Variants in RNF19A observed in about 807,000 individuals in gnomAD.
The protein encoded by RNF19A is E3 ubiquitin-protein ligase RNF19A.
Under a neutral mutation model 75.7 loss-of-function variants are expected in RNF19A, and 32 were observed. The ratio of observed to expected loss-of-function variants is 0.42; its 90% confidence interval spans 0.32 to 0.57. The LOEUF (loss-of-function observed/expected upper bound fraction) is 0.57. RNF19A is among the 20% of genes least tolerant of loss of function. The pLI is 0.10. For missense variants in RNF19A, 782 were observed against 1,036.3 expected (o/e 0.75, Z 3.37); for synonymous variants, 335 against 345.2 (o/e 0.97, Z 0.33).
chr8:100,320,509 C>T (rs932396228), intron 1 of RNF19A, among the ~76,000 whole-genome samples: 2 of 152,160 alleles, frequency 1.3e-5, no homozygotes, highest in South Asian at 2.1e-4. Flanking sequence ...TATCCCCATA[C>T]TGATTATACT....
intron 1 of RNF19A, among the ~76,000 whole-genome samples, chr8:100,292,130 A>C (rs973120470): frequency 3.9e-5 from 6 of 152,192 alleles, no homozygotes; most frequent in African/African-American, 1.4e-4. Context: ...ACTATGTTAA[A>C]TGCTGTATTC....
rs146432983 is a variant in RNF19A, at chr8:100,308,172, C to T, written c.-94+1695G>A. Among the ~76,000 whole-genome samples, 533 of 152,254 alleles carry T rather than the reference C, an allele frequency of 3.5e-3. 4 individuals carry two copies. The highest frequency in any genetic ancestry group is 0.012 in the African/African-American group (511 of 41,562). On this transcript the variant is annotated intron_variant, in intron 1 of 9. Coordinates refer to ENST00000341084, the MANE Select transcript of RNF19A (RefSeq NM_183419.4). ...TAAGATAGTGAAAAAAATACACTAA[C>T]ATTAGTTGCCAACTGTAATTTTTTC...
chr8:100,293,971 T>C (rs975932507), intron 1 of RNF19A, among the ~76,000 whole-genome samples: 1 of 152,218 alleles, frequency 6.6e-6, no homozygotes, highest in African/African-American at 2.4e-5. Flanking sequence ...TCCATTTCTC[T>C]GATGAGACTA....
At chr8:100,310,878 CAT>C (rs1297115616), upstream of RNF19A, among the ~76,000 whole-genome samples, 1 of 150,710 alleles carries the variant, frequency 6.6e-6, no homozygotes, top group Non-Finnish European at 1.5e-5. Context: ...TTCAGCCAGT[CAT>C]ATCCCCTTTG....
In RNF19A at chr8:100,324,361, A is replaced by G; in HGVS notation, c.-242-10989T>C. Among the ~76,000 whole-genome samples the G allele has an allele frequency of 6.6e-6, 1 of 152,258 alleles. No homozygotes were observed. Among genetic ancestry groups the G allele is most frequent in the East Asian group, 1.9e-4 (1 of 5,204 alleles). ...TCAAGAGTTTGGATGACTAAAGTTG[A>G]TGATTAATCACAAAGAAGTATTTCT... is the stretch of plus-strand genomic sequence containing the variant. On this transcript the variant is annotated intron_variant, in intron 1 of 3. Transcript: ENST00000519527. The surrounding 1 kb of genome is among the most constrained non-coding windows in gnomAD (Gnocchi z 4.2).
Position 100,258,913 on chromosome 8 carries a change from T to C in RNF19A, c.2160A>G (p.Val720=). ...APSLSDSMPS[V]ADSHSSHFSE... is the part of the protein sequence containing the mutation. ...AAAAATGACTAGAGTGAGAATCTGC[T>C]ACAGAAGGCATACTGTCACTGAGGG... Residue 720 remains valine (V), a synonymous_variant, in exon 10 of 10, where the codon GTA becomes GTG. Transcript: ENST00000341084. This position sits in a 1 kb window ranked among gnomAD's most constrained non-coding sequence, Gnocchi z 4.3. The C allele has an allele frequency of 6.2e-7, 1 of 1,614,246 alleles. No homozygotes were observed. Among genetic ancestry groups the C allele is most frequent in the South Asian group, 1.1e-5 (1 of 91,084 alleles).
chr8:100,270,548 T>C (rs780113994), intron 3 of RNF19A, among the ~76,000 whole-genome samples: 2 of 152,062 alleles, frequency 1.3e-5, no homozygotes, highest in African/African-American at 2.4e-5. Flanking sequence ...ACTATAAAAA[T>C]AGCAAAACAG....
Position 100,288,197 on chromosome 8 carries a change from A to G in RNF19A, c.-23T>C, listed in dbSNP as rs372546586. The G allele has an allele frequency of 2.8e-5, 44 of 1,567,558 alleles. No homozygotes were observed. In the East Asian group the frequency reaches 5.9e-4, roughly 21 times the overall value. On this transcript the variant is annotated 5_prime_UTR_variant, in exon 2 of 10. Coordinates refer to ENST00000341084, the MANE Select transcript of RNF19A (RefSeq NM_183419.4). ...CATTCACATTAAGTCATGATGTAAG[A>G]ATATCCTACTTGGTTCCTTCAGAGA...
rs112016844 is a variant in RNF19A at position 100,330,863 on chromosome 8, T to TG, written c.-243+5244dup. ...ACTTCATCTCTCTCCACAACCCTCT[T>TG]GAGACTCTTGCTGTGTATACAGCAT... On this transcript the variant is annotated intron_variant, in intron 1 of 3. Transcript: ENST00000519527. This position sits in a 1 kb window ranked among gnomAD's most constrained non-coding sequence, Gnocchi z 4.1. 1.3e-5 allele frequency among the ~76,000 whole-genome samples: 2 copies of TG among 152,334 alleles called. No homozygotes were observed. Among genetic ancestry groups the TG allele is most frequent in the African/African-American group, 4.8e-5 (2 of 41,580 alleles).
intron 1 of RNF19A, among the ~76,000 whole-genome samples, chr8:100,291,258 C>T (rs569538207): frequency 2.0e-5 from 3 of 152,156 alleles, no homozygotes; most frequent in South Asian, 4.2e-4. Context: ...CTAACAAACC[C>T]GGCACCGTAC....
At chr8:100,262,833 T>C (rs539938019) in intron 7 of RNF19A, among the ~76,000 whole-genome samples, 1 of 152,186 alleles carries the variant, frequency 6.6e-6, no homozygotes, top group South Asian at 2.1e-4. Context: ...GGCTGGATTA[T>C]GGCTAAATAT....
intron 5 of RNF19A, among the ~76,000 whole-genome samples, chr8:100,267,435 T>C (rs994684921): frequency 6.6e-6 from 1 of 152,114 alleles, no homozygotes; most frequent in African/African-American, 2.4e-5. Context: ...AGTGGCACAA[T>C]CACAGCTCAC....
At position 100,333,092 on chromosome 8, in the gene RNF19A, A is replaced by G. The variant is rs2130421120; in HGVS notation, c.-243+3016T>C. Among the ~76,000 whole-genome samples the G allele has an allele frequency of 6.6e-6, 1 of 151,978 alleles. No homozygotes were observed. The highest frequency in any genetic ancestry group is 1.5e-5 in the Non-Finnish European group (1 of 68,008). On this transcript the variant is annotated intron_variant, in intron 1 of 3. Coordinates refer to the RNF19A transcript ENST00000519527. This position sits in a 1 kb window ranked among gnomAD's most constrained non-coding sequence, Gnocchi z 4.7. ...CATTTCTAGTATGGAAAAAAAAAAGAACAAACCTAGGTTCTGCCTTCATAA... is the reference window on the plus strand; with the variant it reads ...CATTTCTAGTATGGAAAAAAAAAAGGACAAACCTAGGTTCTGCCTTCATAA...
rs1819659406 is a variant in RNF19A, at chr8:100,260,446, TA to T, written c.1683-450del. ...TTTTAATACTTTATTTATTTATATA[TA>T]TTTTTAGAGACAGGGTCTCGTTATG... On this transcript the variant is annotated intron_variant, in intron 8 of 9. Transcript: ENST00000341084. The surrounding 1 kb of genome is among the most constrained non-coding windows in gnomAD (Gnocchi z 4.1). Among the ~76,000 whole-genome samples the T allele has an allele frequency of 6.6e-6, 1 of 152,184 alleles. No individual in the cohort carries two copies. Among genetic ancestry groups the T allele is most frequent in the Non-Finnish European group, 1.5e-5 (1 of 68,032 alleles).
Position 100,258,816 on chromosome 8 carries a change from G to T in RNF19A, c.2257C>A (p.Arg753Ser). 6.2e-7 allele frequency: 1 copy of T among 1,614,126 alleles called. No individual in the cohort carries two copies. The highest frequency in any genetic ancestry group is 8.5e-7 in the Non-Finnish European group (1 of 1,180,020). ...CSHGSSDYHT[R>S]FATVNILPEV... ...GGAAGAATGTTAACAGTAGCAAAGC[G>T]GGTGTGATAATCACTGGAACCATGA... The change falls in exon 10 of 10, where the codon CGC becomes AGC. Residue 753 changes from arginine to serine, a missense_variant. By Grantham distance (110) the Arg-to-Ser change is moderately radical (BLOSUM62 -1). Transcript: ENST00000341084. This position sits in a 1 kb window ranked among gnomAD's most constrained non-coding sequence, Gnocchi z 4.3.
At position 100,264,861 on chromosome 8, in the gene RNF19A, T is replaced by C. The variant is rs1415074625; in HGVS notation, c.1192-76A>G. 1.8e-6 allele frequency: 2 copies of C among 1,110,674 alleles called. No homozygotes were observed. Among genetic ancestry groups the C allele is most frequent in the East Asian group, 2.4e-5 (1 of 42,124 alleles). 68.8% of individuals were successfully genotyped at this position (1,110,674 alleles called of 1,614,324 possible). A position where few individuals can be genotyped will look rare whatever the true frequency, so the allele number is the denominator to read the frequency against. On this transcript the variant is annotated intron_variant, in intron 5 of 9. Transcript: ENST00000341084. This position sits in a 1 kb window ranked among gnomAD's most constrained non-coding sequence, Gnocchi z 4.7. The stretch of plus-strand genomic sequence containing the variant: ...ATTTAACTTAGTTGAAAAAGATCTA[T>C]ACTTGCTAAAGTGATTTTTCATAGA...
chr8:100,312,680 T>C (rs1353239181), upstream of RNF19A, among the ~76,000 whole-genome samples: 1 of 152,000 alleles, frequency 6.6e-6, no homozygotes, highest in Admixed American at 6.5e-5. Context: ...TCCCGGCACT[T>C]TGGGAGGCTT....
Position 100,324,990 on chromosome 8 carries a change from T to C in RNF19A, c.-243+11118A>G, listed in dbSNP as rs1698800995. On this transcript the variant is annotated intron_variant, in intron 1 of 3. Coordinates refer to the RNF19A transcript ENST00000519527. This position sits in a 1 kb window ranked among gnomAD's most constrained non-coding sequence, Gnocchi z 4.2. ...GGCACAACCTCAGCTTACTGCAAAC[T>C]CCACCTCCCAGGTTCAACCCATTCT... Among the ~76,000 whole-genome samples, 1 of 152,044 alleles carries C rather than the reference T, an allele frequency of 6.6e-6. No homozygotes were observed. The highest frequency in any genetic ancestry group is 6.6e-5 in the Admixed American group (1 of 15,254).
chr8:100,275,872 T>C lies in RNF19A; in HGVS notation c.675-711A>G, dbSNP rs545065464. Among the ~76,000 whole-genome samples, 4 of 152,328 alleles carry C rather than the reference T, an allele frequency of 2.6e-5. No homozygotes were observed. Among genetic ancestry groups the C allele is most frequent in the East Asian group, 3.9e-4 (2 of 5,182 alleles). ...ATACTGTGCCAATTTATAAATTTTGTGATAATTTTGTATGTATGCAGAAGT... is the reference window on the plus strand; with the variant it reads ...ATACTGTGCCAATTTATAAATTTTGCGATAATTTTGTATGTATGCAGAAGT... On this transcript the variant is annotated intron_variant, in intron 2 of 9. Coordinates refer to ENST00000341084, the MANE Select transcript of RNF19A (RefSeq NM_183419.4). The surrounding 1 kb of genome is among the most constrained non-coding windows in gnomAD (Gnocchi z 4.3).
Sources: gnomAD v4.1 joint callset for allele counts (sites outside exome capture counted in the v4.1 genomes callset) on GRCh38, gnomAD v4.1.1 for gene constraint, Gnocchi (gnomAD v3.1) non-coding constraint, MANE v1.5 for transcripts, NCBI Gene and HGNC (gene_info 2026-07-23, HGNC 2026-07-21) for gene names.